TP53BP1: variants seen among roughly 807,000 people sequenced by gnomAD.
TP53BP1 encodes TP53-binding protein 1.
Under a neutral mutation model 200.8 loss-of-function variants are expected in TP53BP1, and 61 were observed. That is an observed-to-expected ratio of 0.30 (90% confidence interval 0.25 to 0.38). The LOEUF (loss-of-function observed/expected upper bound fraction) is 0.38, where lower values mean the gene tolerates loss of function less well. Among genes scored for constraint, TP53BP1 ranks in the 10% least tolerant of loss-of-function variants. TP53BP1 has a pLI of 1.00. For synonymous variants in TP53BP1, 822 were observed against 844.3 expected (o/e 0.97, Z 0.46); for missense variants, 2,144 against 2,371.9 (o/e 0.90, Z 2.00).
chr15:43,409,843 C>A, intron 24 of TP53BP1, 102 bp from the exon 25 acceptor site: 1 of 544,606 alleles, frequency 1.8e-6, no homozygotes, highest in Non-Finnish European at 3.1e-6. Context: ...CCCCAGCTAT[C>A]CACAACAGTG....
chr15:43,426,091 T>A (rs541071085), intron 18 of TP53BP1, among the ~76,000 whole-genome samples: 49 of 151,514 alleles, frequency 3.2e-4, no homozygotes, highest in Middle Eastern at 6.8e-3. Flanking sequence ...AAAATATTTT[T>A]AAAATGAAGA....
chr15:43,428,570 A>G (rs1228151435), intron 17 of TP53BP1, among the ~76,000 whole-genome samples: 4 of 152,126 alleles, frequency 2.6e-5, no homozygotes, highest in Non-Finnish European at 5.9e-5. Context: ...AAAGGAAGGC[A>G]CTCTTTAGTC....
intron 8 of TP53BP1, among the ~76,000 whole-genome samples, chr15:43,476,241 G>A (rs1348280907): frequency 6.6e-6 from 1 of 151,962 alleles, no homozygotes; most frequent in Non-Finnish European, 1.5e-5. Flanking sequence ...CTCCAGCCTG[G>A]GCAACAGAGG....
chr15:43,464,305 T>G (rs910070173), intron 11 of TP53BP1, among the ~76,000 whole-genome samples: 5 of 152,122 alleles, frequency 3.3e-5, no homozygotes, highest in African/African-American at 9.7e-5. Flanking sequence ...AGAGATAAGA[T>G]AGTATATCAA....
chr15:43,409,508 A>G, intron 25 of TP53BP1, 139 bp downstream of exon 25: 1 of 523,900 alleles, frequency 1.9e-6, no homozygotes, highest in East Asian at 3.0e-5. Context: ...TCATGCAAAA[A>G]CATTTTGGCA....
chr15:43,479,896 A>T lies in TP53BP1; in HGVS notation c.621T>A (p.Ser207=). 6.2e-7 allele frequency: 1 copy of T among 1,614,186 alleles called. No individual in the cohort carries two copies. The highest frequency in any genetic ancestry group is 8.5e-7 in the Non-Finnish European group (1 of 1,179,990). Reference sequence around the variant, plus strand: ...CCACATCAGACAGCCTGGTATAACCAGAGTTGGTGGTTACTGATTGTAGCT... The same window carrying T: ...CCACATCAGACAGCCTGGTATAACCTGAGTTGGTGGTTACTGATTGTAGCT... ...KEQLQSVTTN[S]GYTRLSDVDA... is the part of the protein sequence containing the mutation. The change falls in exon 6 of 28, where the codon TCT becomes TCA. Residue 207 remains serine, a synonymous_variant. Transcript: ENST00000382044.
rs1396940208 is a variant in TP53BP1 at position 43,426,060 on chromosome 15, G to A, written c.3828+1956C>T. 4.4e-5 allele frequency among the ~76,000 whole-genome samples: 6 copies of A among 136,374 alleles called. No individual in the cohort carries two copies. The South Asian group carries it at 6.8e-4, about 16-fold the overall frequency. 89.5% of individuals were successfully genotyped at this position (136,374 alleles called of 152,430 possible). On this transcript the variant is annotated intron_variant, in intron 18 of 27. Transcript: ENST00000382044. ...AGCCTGGGCCAAAGAGCGAGACTCC[G>A]TCTCAAAAAAAAAAAAACAAAAAAT... is the stretch of plus-strand genomic sequence containing the variant.
In TP53BP1 at chr15:43,403,945, G is replaced by C. The variant is rs2044767373; in HGVS notation, c.*3438C>G. 7 of 635,446 alleles carry C rather than the reference G, an allele frequency of 1.1e-5. No individual in the cohort carries two copies. The Admixed American group carries it at 1.6e-4, about 14-fold the overall frequency. 39.4% of individuals were successfully genotyped at this position (635,446 alleles called of 1,614,324 possible). A position where few individuals can be genotyped will look rare whatever the true frequency, so the allele number is the denominator to read the frequency against. The stretch of plus-strand genomic sequence containing the variant: ...ATAAGATACAAAGATAAAAATGTTG[G>C]TATCAGTTGATTTTGAAGCAGGTAA... On this transcript the variant is annotated 3_prime_UTR_variant, in exon 28 of 28. Transcript: ENST00000382044.
chr15:43,454,094 ACT>A (rs981065994), intron 12 of TP53BP1, among the ~76,000 whole-genome samples: 1 of 151,366 alleles, frequency 6.6e-6, no homozygotes, highest in African/African-American at 2.4e-5. Context: ...AGTCCCAGCT[ACT>A]CGAGAGGCTG....
At chr15:43,474,856 T>C in intron 9 of TP53BP1, 89 bp from the exon 10 acceptor site, 1 of 874,846 alleles carries the variant, frequency 1.1e-6, no homozygotes, top group Non-Finnish European at 1.8e-6. Context: ...CAGGAAAAAA[T>C]ATCTAAGGCA....
At position 43,421,178 on chromosome 15, in the gene TP53BP1, G is replaced by C. The variant is rs1161552333; in HGVS notation, c.4101-4C>G. The C allele has an allele frequency of 6.2e-7, 1 of 1,613,580 alleles. No homozygotes were observed. The highest frequency in any genetic ancestry group is 8.5e-7 in the Non-Finnish European group (1 of 1,179,750). On this transcript the variant is annotated splice_polypyrimidine_tract_variant and splice_region_variant and intron_variant, in intron 19 of 27. Coordinates refer to ENST00000382044, the MANE Select transcript of TP53BP1 (RefSeq NM_001141980.3). ...CTGACTGACCCCTTTTCTAGGACTAGAGAATGAAGACAAGTTAGTCTGATA... is the reference window on the plus strand; with the variant it reads ...CTGACTGACCCCTTTTCTAGGACTACAGAATGAAGACAAGTTAGTCTGATA...
At chr15:43,426,242 C>T (rs1256943657) in intron 18 of TP53BP1, among the ~76,000 whole-genome samples, 1 of 151,480 alleles carries the variant, frequency 6.6e-6, no homozygotes. Flanking sequence ...GAGTTTGAGA[C>T]CAGCCTGGCC....
intron 12 of TP53BP1, among the ~76,000 whole-genome samples, chr15:43,449,119 C>T (rs1305194360): frequency 3.3e-5 from 5 of 151,848 alleles, no homozygotes; most frequent in South Asian, 2.1e-4. Flanking sequence ...AGAGCGAGAC[C>T]GTGCCTCAAA....
chr15:43,487,783 C>CAAAAA (rs35455276), intron 4 of TP53BP1, among the ~76,000 whole-genome samples: 1 of 93,836 alleles, frequency 1.1e-5, no homozygotes, highest in Non-Finnish European at 2.6e-5. Flanking sequence ...GACTCCATCT[C>CAAAAA]AAAAAAAAAA....
chr15:43,461,606 T>C (rs1160331435), intron 11 of TP53BP1, among the ~76,000 whole-genome samples: 2 of 151,936 alleles, frequency 1.3e-5, no homozygotes, highest in East Asian at 3.8e-4. Context: ...TACTAAAAGA[T>C]CAAAAAACAT....
chr15:43,481,486 C>CAT (rs1192543784), intron 4 of TP53BP1, among the ~76,000 whole-genome samples: 1 of 151,144 alleles, frequency 6.6e-6, no homozygotes, highest in African/African-American at 2.4e-5. Context: ...CACACACACA[C>CAT]ACACACTTTT....
At position 43,466,995 on chromosome 15, in the gene TP53BP1, G is replaced by C. The variant is rs141115193; in HGVS notation, c.1389+2863C>G. On this transcript the variant is annotated intron_variant, in intron 11 of 27. Transcript: ENST00000382044. ...TTTTAACTATCTGACTTATTTTTGG[G>C]GTTTTACACATGCTTATTAAGTAAA... 5.6e-3 allele frequency among the ~76,000 whole-genome samples: 849 copies of C among 152,066 alleles called. 8 individuals carry two copies. Among genetic ancestry groups the C allele is most frequent in the African/African-American group, 0.019 (808 of 41,460 alleles).
intron 4 of TP53BP1, among the ~76,000 whole-genome samples, chr15:43,481,460 T>TACACACAC (rs61433356): frequency 0.031 from 4,499 of 143,754 alleles, 85 homozygotes; most frequent in African/African-American, 0.05. Context: ...TGTATATAAA[T>TACACACAC]ACACACACAC....
At position 43,436,241 on chromosome 15, in the gene TP53BP1, T is replaced by G. The variant is rs1238945834; in HGVS notation, c.3191+2083A>C. Among the ~76,000 whole-genome samples the G allele has an allele frequency of 1.1e-4, 17 of 152,220 alleles. No homozygotes were observed. The East Asian group carries it at 2.7e-3, about 24-fold the overall frequency. On this transcript the variant is annotated intron_variant, in intron 16 of 27. Transcript: ENST00000382044. The stretch of plus-strand genomic sequence containing the variant: ...CCAGAGCTCAGGCCATCCACCCACC[T>G]CGGTCTACCAAAGTGCCACCGCGCC...
Sources: gnomAD v4.1 joint callset for allele counts (sites outside exome capture counted in the v4.1 genomes callset) on GRCh38, gnomAD v4.1.1 for gene constraint, MANE v1.5 for transcripts, NCBI Gene and HGNC (gene_info 2026-07-23, HGNC 2026-07-21) for gene names.